NRG3: variants seen among roughly 807,000 people sequenced by gnomAD.
NRG3 encodes the protein pro-neuregulin-3, membrane-bound isoform.
In NRG3, 31 loss-of-function variants were observed where a neutral mutation model predicts 66.9. That is an observed-to-expected ratio of 0.46 (90% CI 0.35 to 0.63). The LOEUF is 0.63. Among genes scored for constraint, NRG3 ranks in the 20% least tolerant of loss-of-function variants. The pLI, the probability that NRG3 is intolerant of heterozygous loss-of-function variation, is 0.00. For missense variants in NRG3, 910 were observed against 878.9 expected, an observed-to-expected ratio of 1.04 and a Z score of -0.45; for synonymous variants, 393 against 359.4, an observed-to-expected ratio of 1.09 and a Z score of -1.06.
intron 1 of NRG3, among the ~76,000 whole-genome samples, chr10:82,150,256 G>C (rs550805663): frequency 2.0e-5 from 3 of 152,052 alleles, no homozygotes; most frequent in African/African-American, 7.2e-5. Context: ...GTTGAAGACC[G>C]GTAAGTGCCC....
At chr10:82,708,022 A>C (rs1156855574) in intron 2 of NRG3, among the ~76,000 whole-genome samples, 1 of 152,170 alleles carries the variant, frequency 6.6e-6, no homozygotes, top group East Asian at 2.0e-4. Context: ...CTCTGTCTCA[A>C]AATTTAAAAA....
chr10:82,056,334 G>GA (rs908233056), intron 1 of NRG3, among the ~76,000 whole-genome samples: 27 of 149,838 alleles, frequency 1.8e-4, no homozygotes, highest in South Asian at 6.3e-4. Flanking sequence ...TAGTGTATTT[G>GA]AAAAAAAAAA....
At chr10:82,825,032 T>C (rs769676611) in intron 3 of NRG3, among the ~76,000 whole-genome samples, 3 of 152,156 alleles carry the variant, frequency 2.0e-5, no homozygotes, top group Non-Finnish European at 2.9e-5. Flanking sequence ...TTTTTATTAT[T>C]GAGTTGTCAG....
Position 82,298,280 on chromosome 10 carries a change from G to GAGGA in NRG3, c.824-60439_824-60436dup, listed in dbSNP as rs1039697003. Among the ~76,000 whole-genome samples the GAGGA allele has an allele frequency of 1.6e-4, 24 of 151,464 alleles. No individual in the cohort carries two copies. In the East Asian group the frequency reaches 2.1e-3, roughly 14 times the overall value. ...GAGGGAGGGAAGGAAGGGAGAGAGG[G>GAGGA]AGGAAGGAAGGAAGGAAGGAAGGTG... On this transcript the variant is annotated intron_variant, in intron 1 of 8. Coordinates refer to ENST00000372141, the MANE Select transcript of NRG3 (RefSeq NM_001010848.4).
intron 1 of NRG3, among the ~76,000 whole-genome samples, chr10:82,200,964 G>T (rs1399699703): frequency 1.3e-5 from 2 of 152,004 alleles, no homozygotes; most frequent in African/African-American, 4.8e-5. Flanking sequence ...TTGGGAGGCC[G>T]AGGTGGGCGG....
chr10:82,314,066 T>C (rs1282093492), intron 1 of NRG3, among the ~76,000 whole-genome samples: 1 of 152,210 alleles, frequency 6.6e-6, no homozygotes, highest in Non-Finnish European at 1.5e-5. Flanking sequence ...ATGGGTAAAG[T>C]AGAGGAGGAT....
chr10:82,728,416 A>G (rs2057726148), intron 2 of NRG3, among the ~76,000 whole-genome samples: 1 of 152,168 alleles, frequency 6.6e-6, no homozygotes, highest in Non-Finnish European at 1.5e-5. Context: ...GGGTCTCACA[A>G]GATCCGATGG....
Position 82,947,190 on chromosome 10 carries a change from A to G in NRG3, c.1055-4279A>G, listed in dbSNP as rs144274649. Reference sequence around the variant, plus strand: ...TTTCCATTGTCTAGAATTTTGAATAAGTGGAATTATACAACATGTACCCTG... The same window carrying G: ...TTTCCATTGTCTAGAATTTTGAATAGGTGGAATTATACAACATGTACCCTG... On this transcript the variant is annotated intron_variant, in intron 4 of 8. Coordinates refer to ENST00000372141, the MANE Select transcript of NRG3 (RefSeq NM_001010848.4). Among the ~76,000 whole-genome samples, 119 of 152,312 alleles carry G rather than the reference A, an allele frequency of 7.8e-4. 3 individuals are homozygous for G. In the East Asian group the frequency reaches 0.021, roughly 27 times the overall value.
chr10:82,458,168 A>G (rs2091357030), intron 2 of NRG3, among the ~76,000 whole-genome samples: 1 of 152,138 alleles, frequency 6.6e-6, no homozygotes, highest in Non-Finnish European at 1.5e-5. Context: ...TCAGTTCATC[A>G]CATGATTCCC....
intron 8 of NRG3, among the ~76,000 whole-genome samples, chr10:82,982,444 A>T (rs1318853083): frequency 2.0e-5 from 3 of 152,166 alleles, no homozygotes; most frequent in African/African-American, 4.8e-5. Flanking sequence ...TGGAAGCATC[A>T]TTGGCCCTCA....
chr10:82,762,332 A>G lies in NRG3; in HGVS notation c.1027+23682A>G, dbSNP rs576301120. Among the ~76,000 whole-genome samples the G allele has an allele frequency of 5.3e-5, 8 of 152,314 alleles. No individual in the cohort carries two copies. The East Asian group carries it at 1.2e-3, about 22-fold the overall frequency. On this transcript the variant is annotated intron_variant, in intron 3 of 8. Transcript: ENST00000372141. ...TTTCCATTATGAATGAGAAAAATGA[A>G]TAAAACAAGAATTATAAAATTAAAT...
chr10:82,215,664 C>A (rs1003523834), intron 1 of NRG3, among the ~76,000 whole-genome samples: 1 of 148,592 alleles, frequency 6.7e-6, no homozygotes, highest in Non-Finnish European at 1.5e-5. Context: ...TTATACATCC[C>A]AACTTGTATC....
intron 2 of NRG3, among the ~76,000 whole-genome samples, chr10:82,702,506 A>C (rs903260014): frequency 1.3e-5 from 2 of 152,214 alleles, no homozygotes; most frequent in Non-Finnish European, 2.9e-5. Flanking sequence ...TATTATGCAT[A>C]CACACAAACT....
chr10:82,729,661 A>T (rs1026412942), intron 2 of NRG3, among the ~76,000 whole-genome samples: 1 of 152,204 alleles, frequency 6.6e-6, no homozygotes, highest in Admixed American at 6.5e-5. Flanking sequence ...CCAAATGTTT[A>T]TTCAGACTGA....
chr10:82,150,255 C>T (rs530999118), intron 1 of NRG3, among the ~76,000 whole-genome samples: 5 of 152,188 alleles, frequency 3.3e-5, no homozygotes, highest in East Asian at 1.9e-4. Context: ...TGTTGAAGAC[C>T]GGTAAGTGCC....
intron 1 of NRG3, among the ~76,000 whole-genome samples, chr10:82,331,481 T>C (rs1391933952): frequency 6.6e-6 from 1 of 152,158 alleles, no homozygotes; most frequent in Non-Finnish European, 1.5e-5. Flanking sequence ...TCAATTTCAA[T>C]GGGAGCCAGG....
intron 1 of NRG3, among the ~76,000 whole-genome samples, chr10:81,933,664 C>T (rs1473347550): frequency 1.3e-5 from 2 of 152,114 alleles, no homozygotes; most frequent in Non-Finnish European, 2.9e-5. Context: ...CTTTCAGGCA[C>T]CTCTTCTCAG....
intron 2 of NRG3, among the ~76,000 whole-genome samples, chr10:82,374,651 A>G (rs2085096573): frequency 6.6e-6 from 1 of 152,084 alleles, no homozygotes; most frequent in African/African-American, 2.4e-5. Flanking sequence ...CTGGGGTTCT[A>G]TGTTTCCAAC....
intron 6 of NRG3, among the ~76,000 whole-genome samples, chr10:82,961,075 C>T (rs1850591463): frequency 6.6e-6 from 1 of 152,122 alleles, no homozygotes. Context: ...TTGCAGAATA[C>T]AATATCAGCA....
Sources: gnomAD v4.1 joint callset for allele counts (sites outside exome capture counted in the v4.1 genomes callset) on GRCh38, gnomAD v4.1.1 for gene constraint, MANE v1.5 for transcripts, NCBI Gene and HGNC (gene_info 2026-07-23, HGNC 2026-07-21) for gene names.